The following TDRD5 variants were observed in gnomAD, a reference collection of about 807,000 sequenced individuals.
TDRD5 encodes the protein tudor domain containing 5.
In TDRD5, 41 loss-of-function variants were observed where a neutral mutation model predicts 120.6. That is an observed-to-expected ratio of 0.34 (90% CI 0.26 to 0.44). TDRD5 has a LOEUF of 0.44. Ranked by LOEUF, TDRD5 falls within the 20% of genes least tolerant of loss-of-function variation. The pLI, the probability that TDRD5 is intolerant of heterozygous loss-of-function variation, is 1.00. For missense variants in TDRD5, 1,006 were observed against 1,221.2 expected, an observed-to-expected ratio of 0.82 and a Z score of 2.63; for synonymous variants, 430 against 433.7, an observed-to-expected ratio of 0.99 and a Z score of 0.11.
At chr1:179,678,834 T>C (rs1221956109) in intron 17 of TDRD5, among the ~76,000 whole-genome samples, 1 of 152,196 alleles carries the variant, frequency 6.6e-6, no homozygotes, top group Non-Finnish European at 1.5e-5. Context: ...AAAAAATCAG[T>C]TTACTACTTG....
chr1:179,668,406 A>G (rs549552459), intron 16 of TDRD5, among the ~76,000 whole-genome samples: 1 of 152,318 alleles, frequency 6.6e-6, no homozygotes, highest in East Asian at 1.9e-4. Flanking sequence ...CTTAAGTTCA[A>G]ATCTGCACCC....
intron 17 of TDRD5, among the ~76,000 whole-genome samples, chr1:179,671,937 G>T (rs1277283097): frequency 6.7e-6 from 1 of 149,712 alleles, no homozygotes; most frequent in Non-Finnish European, 1.5e-5. Flanking sequence ...TTATGGCTGA[G>T]AAATATTCCA....
At chr1:179,669,686 G>A (rs1375627680) in intron 17 of TDRD5, among the ~76,000 whole-genome samples, 3 of 151,834 alleles carry the variant, frequency 2.0e-5, no homozygotes, top group Non-Finnish European at 4.4e-5. Flanking sequence ...TTTGAGTTTC[G>A]ACAAATTGAT....
At position 179,640,070 on chromosome 1, in the gene TDRD5, G is replaced by A; in HGVS notation, c.1733+19G>A. ...TCCTCAAGTGAGTTGAATTGAATTA[G>A]AACAATGGATGAATTAAATTTTGAA... On this transcript the variant is annotated intron_variant, in intron 10 of 17. Transcript: ENST00000444136. 1 of 1,610,562 alleles carries A rather than the reference G, an allele frequency of 6.2e-7. No homozygotes were observed. Among genetic ancestry groups the A allele is most frequent in the South Asian group, 1.1e-5 (1 of 90,920 alleles).
At chr1:179,639,573 G>A (rs1268346054) in intron 9 of TDRD5, among the ~76,000 whole-genome samples, 2 of 152,184 alleles carry the variant, frequency 1.3e-5, no homozygotes, top group Non-Finnish European at 2.9e-5. Flanking sequence ...CAGTACTGGG[G>A]AATGAAGATG....
chr1:179,617,610 T>A (rs1676627393), intron 4 of TDRD5, among the ~76,000 whole-genome samples: 1 of 152,086 alleles, frequency 6.6e-6, no homozygotes, highest in South Asian at 2.1e-4. Context: ...TTTCTTTATA[T>A]CTTTGTGACT....
At chr1:179,616,329 C>T (rs1676563742) in intron 4 of TDRD5, among the ~76,000 whole-genome samples, 1 of 152,144 alleles carries the variant, frequency 6.6e-6, no homozygotes, top group African/African-American at 2.4e-5. Flanking sequence ...CATCATTCAT[C>T]CCTGTAGAAT....
chr1:179,673,580 G>T (rs1021203123), intron 17 of TDRD5, among the ~76,000 whole-genome samples: 4 of 152,198 alleles, frequency 2.6e-5, no homozygotes, highest in African/African-American at 9.6e-5. Context: ...CGGTCTGGAA[G>T]ATGGAACAAC....
intron 16 of TDRD5, 53 bp downstream of exon 16, chr1:179,663,544 A>G (rs1679421453): frequency 7.8e-6 from 12 of 1,538,678 alleles, no homozygotes; most frequent in South Asian, 5.1e-5. Context: ...AAGTCCTTTC[A>G]TTTTTAGAAA....
chr1:179,609,713 T>C (rs2101941312), intron 4 of TDRD5, among the ~76,000 whole-genome samples: 1 of 152,260 alleles, frequency 6.6e-6, no homozygotes, highest in South Asian at 2.1e-4. Flanking sequence ...ACTCAATGTA[T>C]TACGAAGTAC....
At chr1:179,647,517 T>A (rs993864907) in intron 11 of TDRD5, among the ~76,000 whole-genome samples, 3 of 151,528 alleles carry the variant, frequency 2.0e-5, no homozygotes, top group Non-Finnish European at 4.4e-5. Context: ...AACCTAGGCA[T>A]TACCATTCAG....
rs35873475 is a variant in TDRD5, at chr1:179,668,741, CTT to C, written c.2650-435_2650-434del. Among the ~76,000 whole-genome samples, 1,046 of 110,300 alleles carry C rather than the reference CTT, an allele frequency of 9.5e-3. 28 individuals are homozygous for C. The highest frequency in any genetic ancestry group is 0.075 in the East Asian group (276 of 3,696). 72.4% of individuals were successfully genotyped at this position (110,300 alleles called of 152,430 possible). A position where few individuals can be genotyped will look rare whatever the true frequency, so the allele number is the denominator to read the frequency against. ...GCTTTTTCTAGAGAGTATCTAGGTT[CTT>C]TTTTTTTTTTTTTTTTTGTGATGGA... On this transcript the variant is annotated intron_variant, in intron 16 of 17. Transcript: ENST00000444136.
intron 4 of TDRD5, among the ~76,000 whole-genome samples, chr1:179,611,797 G>A (rs72706722): frequency 0.047 from 7,136 of 152,186 alleles, 266 homozygotes; most frequent in Non-Finnish European, 0.069. Flanking sequence ...GTTTCATCCT[G>A]AGTTTTGCAG....
intron 7 of TDRD5, among the ~76,000 whole-genome samples, chr1:179,633,787 C>T (rs1056122615): frequency 1.3e-5 from 2 of 152,106 alleles, no homozygotes; most frequent in African/African-American, 4.8e-5. Flanking sequence ...ATACAGTCTA[C>T]GTTAAGCAAC....
chr1:179,619,025 T>C (rs1676708018), intron 5 of TDRD5, among the ~76,000 whole-genome samples: 1 of 152,184 alleles, frequency 6.6e-6, no homozygotes, highest in African/African-American at 2.4e-5. Flanking sequence ...TCCCATTACA[T>C]TGATGTACCC....
At chr1:179,635,582 G>A in intron 8 of TDRD5, 85 bp from the exon 9 acceptor site, 1 of 1,209,016 alleles carries the variant, frequency 8.3e-7, no homozygotes, top group Non-Finnish European at 1.2e-6. Flanking sequence ...TGATAAAGGT[G>A]ATTCATGAAA....
intron 13 of TDRD5, among the ~76,000 whole-genome samples, chr1:179,652,504 C>G (rs1246188216): frequency 6.6e-6 from 1 of 152,140 alleles, no homozygotes; most frequent in Non-Finnish European, 1.5e-5. Context: ...TCGTTTCTTA[C>G]TTTCCCTGTA....
chr1:179,631,026 C>G (rs1677413228), intron 7 of TDRD5, 106 bp downstream of exon 7: 2 of 1,091,746 alleles, frequency 1.8e-6, no homozygotes, highest in Non-Finnish European at 2.6e-6. Flanking sequence ...ATAAAATGAC[C>G]TCCTTTCTGG....
At position 179,618,635 on chromosome 1, in the gene TDRD5, G is replaced by A. The variant is rs1292084880; in HGVS notation, c.868G>A (p.Gly290Arg). 9.4e-6 allele frequency: 15 copies of A among 1,597,668 alleles called. No individual in the cohort carries two copies. The highest frequency in any genetic ancestry group is 1.3e-5 in the Non-Finnish European group (15 of 1,173,648). The change falls in exon 5 of 18, where the codon GGA becomes AGA. Residue 290 changes from glycine (G) to arginine (R), a missense_variant. Physicochemically the swap from Gly to Arg is moderately radical, Grantham distance 125 (BLOSUM62 -2). Coordinates refer to ENST00000444136, the MANE Select transcript of TDRD5 (RefSeq NM_001199085.3). ...NTFKSVIAQI[G>R]PGGTISSELK... ...ATTCAAATCAGTTATTGCACAGATTGGACCTGGAGGAACTATCAGTTCAGA... is the reference window on the plus strand; with the variant it reads ...ATTCAAATCAGTTATTGCACAGATTAGACCTGGAGGAACTATCAGTTCAGA...
Sources: gnomAD v4.1 joint callset for allele counts (sites outside exome capture counted in the v4.1 genomes callset) on GRCh38, gnomAD v4.1.1 for gene constraint, MANE v1.5 for transcripts, NCBI Gene and HGNC (gene_info 2026-07-23, HGNC 2026-07-21) for gene names.